Variants in SMG6 observed in about 807,000 individuals in gnomAD.
The protein encoded by SMG6 is SMG6 nonsense mediated mRNA decay factor, also known as telomerase-binding protein EST1A.
SMG6 carries 66 observed loss-of-function variants against 142.2 expected under a neutral mutation model. The observed-to-expected ratio is 0.46, with a 90% CI of 0.38 to 0.57. The LOEUF is 0.57. SMG6 is among the 20% of genes least tolerant of loss of function. The probability of loss-of-function intolerance (pLI) is 0.00; values close to 1 mark genes in which losing one functional copy is unlikely to be tolerated. For missense variants in SMG6, 1,793 were observed against 1,832.0 expected (o/e 0.98, Z 0.39); for synonymous variants, 779 against 702.4 (o/e 1.11, Z -1.72).
At position 2,061,525 on chromosome 17, in the gene SMG6, G is replaced by T. The variant is rs775769121; in HGVS notation, c.4227C>A (p.Ile1409=). The change falls in exon 19 of 19, where the codon ATC becomes ATA. Residue 1409 remains isoleucine (I), a synonymous_variant. Coordinates refer to ENST00000263073, the MANE Select transcript of SMG6 (RefSeq NM_017575.5). ...CCTGGGCCCACGTGAGGAAGGCTGG[G>T]ATGTCCCGTACAGGAACATTCCTTG... ...ALTRNVPVRD[I]PAFLTWAQVG is the part of the protein sequence containing the mutation. 1 of 1,575,260 alleles carries T rather than the reference G, an allele frequency of 6.3e-7. No individual in the cohort carries two copies. Among genetic ancestry groups the T allele is most frequent in the South Asian group, 1.2e-5 (1 of 86,094 alleles).
chr17:2,202,548 T>C (rs1366582823), intron 10 of SMG6, among the ~76,000 whole-genome samples: 6 of 151,652 alleles, frequency 4.0e-5, no homozygotes, highest in African/African-American at 1.5e-4. Flanking sequence ...CAAGACTGTG[T>C]CTGAAAAAGG....
At chr17:2,082,550 G>A (rs1421151454) in intron 14 of SMG6, among the ~76,000 whole-genome samples, 2 of 152,220 alleles carry the variant, frequency 1.3e-5, no homozygotes, top group African/African-American at 2.4e-5. Flanking sequence ...GAATTCACAC[G>A]ACATGACCTT....
chr17:2,206,047 G>A (rs1452893353), intron 10 of SMG6, among the ~76,000 whole-genome samples: 3 of 152,060 alleles, frequency 2.0e-5, no homozygotes, highest in Non-Finnish European at 2.9e-5. Context: ...GACCTCAACT[G>A]ATCCACCCGC....
intron 13 of SMG6, among the ~76,000 whole-genome samples, chr17:2,127,190 GAGAT>G (rs1392617069): frequency 1.3e-5 from 2 of 149,354 alleles, no homozygotes; most frequent in African/African-American, 4.9e-5. Flanking sequence ...CTACTTATAT[GAGAT>G]ACTTACAATA....
chr17:2,196,030 A>G (rs985701415), intron 10 of SMG6, among the ~76,000 whole-genome samples: 2 of 152,246 alleles, frequency 1.3e-5, no homozygotes, highest in African/African-American at 2.4e-5. Flanking sequence ...AAAACATGCC[A>G]TCGTTTACAA....
At chr17:2,126,157 CTT>C (rs1208117037) in intron 13 of SMG6, among the ~76,000 whole-genome samples, 2 of 152,024 alleles carry the variant, frequency 1.3e-5, no homozygotes, top group East Asian at 3.9e-4. Flanking sequence ...GGTCAACTGA[CTT>C]TTGACAAGGG....
intron 18 of SMG6, among the ~76,000 whole-genome samples, chr17:2,064,830 C>T (rs757672183): frequency 1.7e-4 from 26 of 151,646 alleles, no homozygotes; most frequent in Non-Finnish European, 3.1e-4. Context: ...AAGAACCTCG[C>T]GGCCTAGGGC....
At chr17:2,159,280 G>C (rs1267550462) in intron 13 of SMG6, among the ~76,000 whole-genome samples, 1 of 151,870 alleles carries the variant, frequency 6.6e-6, no homozygotes, top group Admixed American at 6.6e-5. Flanking sequence ...AAAAAATTAG[G>C]TGGGTGTGTG....
chr17:2,061,844 C>T (rs530556522), intron 18 of SMG6: 1 of 528,362 alleles, frequency 1.9e-6, no homozygotes, highest in East Asian at 3.4e-5. Flanking sequence ...CTCCGGCCTC[C>T]CATACAGGAC....
At chr17:2,246,787 A>G (rs1369961624) in intron 8 of SMG6, among the ~76,000 whole-genome samples, 2 of 152,140 alleles carry the variant, frequency 1.3e-5, no homozygotes, top group Admixed American at 6.5e-5. Flanking sequence ...CTCTACTAAA[A>G]ATACAAAAAT....
chr17:2,158,682 C>T (rs928535367), intron 13 of SMG6, among the ~76,000 whole-genome samples: 2 of 152,070 alleles, frequency 1.3e-5, no homozygotes, highest in South Asian at 2.1e-4. Context: ...CTTTGGGAGG[C>T]TAAGGCAGGT....
intron 9 of SMG6, chr17:2,236,903 T>C (rs1460158759): frequency 9.3e-7 from 1 of 1,074,652 alleles, no homozygotes; most frequent in Non-Finnish European, 1.2e-6. Flanking sequence ...GTTATTATGC[T>C]TTGGTATGCT....
At chr17:2,235,155 C>T (rs2073613855) in intron 10 of SMG6, among the ~76,000 whole-genome samples, 2 of 152,188 alleles carry the variant, frequency 1.3e-5, no homozygotes, top group South Asian at 2.1e-4. Flanking sequence ...CCCTGGAAAC[C>T]AGTGCTGCCA....
At chr17:2,113,880 G>GA (rs1462100102) in intron 13 of SMG6, among the ~76,000 whole-genome samples, 1 of 152,214 alleles carries the variant, frequency 6.6e-6, no homozygotes, top group East Asian at 1.9e-4. Flanking sequence ...ATAAACCCAT[G>GA]AAAGCACAAT....
At chr17:2,297,504 T>C in intron 3 of SMG6, 151 bp from the exon 4 acceptor site, 2 of 630,070 alleles carry the variant, frequency 3.2e-6, no homozygotes, top group South Asian at 2.0e-5. Context: ...GGCCACCAAT[T>C]TGAGAACAAG....
At chr17:2,255,548 C>G (rs951106164) in intron 8 of SMG6, among the ~76,000 whole-genome samples, 4 of 151,942 alleles carry the variant, frequency 2.6e-5, no homozygotes, top group African/African-American at 9.7e-5. Context: ...GCCAGCTGCC[C>G]CGTCCGGGAG....
At chr17:2,158,860 CAAAA>C (rs1156515446) in intron 13 of SMG6, among the ~76,000 whole-genome samples, 13 of 32,406 alleles carry the variant, frequency 4.0e-4, no homozygotes, top group Non-Finnish European at 4.5e-4. Context: ...GACCCTGTTT[CAAAA>C]AAAAAAAAAA....
At chr17:2,138,635 T>C (rs552464660) in intron 13 of SMG6, among the ~76,000 whole-genome samples, 7 of 152,272 alleles carry the variant, frequency 4.6e-5, no homozygotes, top group African/African-American at 1.7e-4. Flanking sequence ...GAGTAAGTGG[T>C]CTATGACCCA....
chr17:2,280,019 C>A (rs999676056), intron 8 of SMG6, among the ~76,000 whole-genome samples: 4 of 152,168 alleles, frequency 2.6e-5, no homozygotes, highest in African/African-American at 9.7e-5. Context: ...CTATGTCTTC[C>A]TCACGTGACC....
Sources: gnomAD v4.1 joint callset for allele counts (sites outside exome capture counted in the v4.1 genomes callset) on GRCh38, gnomAD v4.1.1 for gene constraint, MANE v1.5 for transcripts, NCBI Gene and HGNC (gene_info 2026-07-23, HGNC 2026-07-21) for gene names.